Variants in ZBTB8B observed in about 807,000 individuals in gnomAD.
ZBTB8B encodes the protein zinc finger and BTB domain-containing protein 8B.
Under a neutral mutation model 30.3 loss-of-function variants are expected in ZBTB8B, and 17 were observed. The observed-to-expected ratio is 0.56, with a 90% CI of 0.38 to 0.84. The LOEUF is 0.84. ZBTB8B is among the 40% of genes least tolerant of loss of function. The pLI is 0.00. For missense variants in ZBTB8B, 515 were observed against 644.9 expected (o/e 0.80, Z 2.18); for synonymous variants, 248 against 255.6 (o/e 0.97, Z 0.28).
In ZBTB8B at chr1:32,496,553, G is replaced by C. The variant is rs568064150; in HGVS notation, c.*11135G>C. 2 of 152,170 alleles carry C rather than the reference G, an allele frequency of 1.3e-5. No individual in the cohort carries two copies. Among genetic ancestry groups the C allele is most frequent in the South Asian group, 2.1e-4 (1 of 4,818 alleles). The allele number at this position is 152,170 out of a possible 1,614,324, so 9.4% of individuals were successfully genotyped here. ...GTTTCTGCTTTTTGGAATTGAATTGGTTTTTAAGTGGTAATGTACCAGGTC... is the reference window on the plus strand; with the variant it reads ...GTTTCTGCTTTTTGGAATTGAATTGCTTTTTAAGTGGTAATGTACCAGGTC... On this transcript the variant is annotated 3_prime_UTR_variant, in exon 4 of 4. Transcript: ENST00000609129.
In ZBTB8B at chr1:32,490,940, CG is replaced by C. The variant is rs1643775947; in HGVS notation, c.*5524del. On this transcript the variant is annotated 3_prime_UTR_variant, in exon 4 of 4. Coordinates refer to ENST00000609129, the MANE Select transcript of ZBTB8B (RefSeq NM_001145720.2). ...ACAGTAACTCACATGACTGCATGAT[CG>C]GATGACATGGAAACTTCATAACTGA... The C allele has an allele frequency of 6.6e-6, 1 of 152,164 alleles. No homozygotes were observed. The highest frequency in any genetic ancestry group is 2.1e-4 in the South Asian group (1 of 4,822). 9.4% of individuals were successfully genotyped at this position (152,164 alleles called of 1,614,324 possible).
At chr1:32,466,139 G>A (rs1455343509) in intron 1 of ZBTB8B, among the ~76,000 whole-genome samples, 1 of 152,198 alleles carries the variant, frequency 6.6e-6, no homozygotes, top group Non-Finnish European at 1.5e-5. Flanking sequence ...TGAGGAGCAG[G>A]TTTTTGTTAT....
At chr1:32,470,496 A>C in intron 1 of ZBTB8B, 88 bp from the exon 2 acceptor site, 1 of 1,011,274 alleles carries the variant, frequency 9.9e-7, no homozygotes, top group South Asian at 1.8e-5. Context: ...CAAGACGCTG[A>C]CTCAAAAAAA....
rs917730455 is a variant in ZBTB8B, at chr1:32,487,046, G to A, written c.*1628G>A. 6.6e-6 allele frequency: 1 copy of A among 152,172 alleles called. No individual in the cohort carries two copies. Among genetic ancestry groups the A allele is most frequent in the African/African-American group, 2.4e-5 (1 of 41,446 alleles). 9.4% of individuals were successfully genotyped at this position (152,172 alleles called of 1,614,324 possible). ...GGCAATTTCCATAATTTTGTCTTAT[G>A]TTAAAATATCCAAAATGGATTTTAA... On this transcript the variant is annotated 3_prime_UTR_variant, in exon 4 of 4. Transcript: ENST00000609129.
chr1:32,473,512 CTTTTTTTT>C (rs11300546), intron 2 of ZBTB8B, among the ~76,000 whole-genome samples: 1 of 112,194 alleles, frequency 8.9e-6, no homozygotes, highest in Non-Finnish European at 1.9e-5. Context: ...TGTCTTGAGA[CTTTTTTTT>C]TTTTTTTTTT....
In ZBTB8B at chr1:32,470,618, C is replaced by A. The variant is rs901291950; in HGVS notation, c.-7C>A. On this transcript the variant is annotated 5_prime_UTR_variant, in exon 2 of 4. Transcript: ENST00000609129. ...TTTGCTCTGGAGCAGCAGCAGCTGG[C>A]GGAGCAATGGAGATGCAATCCTATT... 1.3e-6 allele frequency: 2 copies of A among 1,540,608 alleles called. No individual in the cohort carries two copies. Among genetic ancestry groups the A allele is most frequent in the Non-Finnish European group, 1.8e-6 (2 of 1,139,546 alleles).
rs1355287572 is a variant in ZBTB8B, at chr1:32,488,241, A to C, written c.*2823A>C. 2.0e-5 allele frequency: 3 copies of C among 152,228 alleles called. No individual in the cohort carries two copies. 9.4% of individuals were successfully genotyped at this position (152,228 alleles called of 1,614,324 possible). A position where few individuals can be genotyped will look rare whatever the true frequency, so the allele number is the denominator to read the frequency against. On this transcript the variant is annotated 3_prime_UTR_variant, in exon 4 of 4. Coordinates refer to ENST00000609129, the MANE Select transcript of ZBTB8B (RefSeq NM_001145720.2). Reference sequence around the variant, plus strand: ...AACAAGAGCGAAACTGTCTCCAAAAATGTATACATATATTTGCTGTTATTT... The same window carrying C: ...AACAAGAGCGAAACTGTCTCCAAAACTGTATACATATATTTGCTGTTATTT...
Position 32,470,980 on chromosome 1 carries a change from G to C in ZBTB8B, c.356G>C (p.Arg119Thr). 6.4e-7 allele frequency: 1 copy of C among 1,552,260 alleles called. No individual in the cohort carries two copies. The highest frequency in any genetic ancestry group is 8.7e-7 in the Non-Finnish European group (1 of 1,147,124). Residue 119 changes from arginine to threonine, a missense_variant, in exon 2 of 4, where the codon AGG (arginine) becomes ACG (threonine). Around this residue, in one of 3 missense-constraint regions of ZBTB8B, gnomAD observed 429 missense variants for 504.3 expected, o/e 0.85. Coordinates refer to ENST00000609129, the MANE Select transcript of ZBTB8B (RefSeq NM_001145720.2). ...DVVNFCKTYIRSSLDICRKME... is the reference protein window; with the variant it reads ...DVVNFCKTYITSSLDICRKME... ...GTGAACTTCTGCAAGACATACATTA[G>C]GTCATCCCTCGACATTTGCCGAAAG... is the stretch of plus-strand genomic sequence containing the variant.
At position 32,489,427 on chromosome 1, in the gene ZBTB8B, T is replaced by A. The variant is rs1643765734; in HGVS notation, c.*4009T>A. 6.6e-6 allele frequency: 1 copy of A among 152,240 alleles called. No homozygotes were observed. Among genetic ancestry groups the A allele is most frequent in the Admixed American group, 6.5e-5 (1 of 15,278 alleles). The allele number at this position is 152,240 out of a possible 1,614,324, so 9.4% of individuals were successfully genotyped here. A position where few individuals can be genotyped will look rare whatever the true frequency, so the allele number is the denominator to read the frequency against. On this transcript the variant is annotated 3_prime_UTR_variant, in exon 4 of 4. Coordinates refer to ENST00000609129, the MANE Select transcript of ZBTB8B (RefSeq NM_001145720.2). ...GGAGTTTGTGTATAGGCACTGGCAATAACTGGATCACTGAGTTCTATCACT... is the reference window on the plus strand; with the variant it reads ...GGAGTTTGTGTATAGGCACTGGCAAAAACTGGATCACTGAGTTCTATCACT...
chr1:32,490,978 T>C lies in ZBTB8B; in HGVS notation c.*5560T>C, dbSNP rs1159539801. The C allele has an allele frequency of 6.6e-6, 1 of 152,232 alleles. No individual in the cohort carries two copies. The highest frequency in any genetic ancestry group is 1.5e-5 in the Non-Finnish European group (1 of 68,038). 9.4% of individuals were successfully genotyped at this position (152,232 alleles called of 1,614,324 possible). ...AACTTCATAACTGAAGGAGAACATT[T>C]AGCATCCGTCTTGACCCTCCAGGTA... On this transcript the variant is annotated 3_prime_UTR_variant, in exon 4 of 4. Transcript: ENST00000609129.
Position 32,485,189 on chromosome 1 carries a change from T to G in ZBTB8B, c.1259T>G (p.Leu420Arg), listed in dbSNP as rs775728852. Residue 420 changes from leucine (L) to arginine (R), a missense_variant, in exon 4 of 4, where the codon CTG (leucine) becomes CGG (arginine). Leu to Arg is a moderately radical substitution (Grantham distance 102, BLOSUM62 -2). Around this residue, in one of 3 missense-constraint regions of ZBTB8B, gnomAD observed 429 missense variants for 504.3 expected, o/e 0.85. Coordinates refer to ENST00000609129, the MANE Select transcript of ZBTB8B (RefSeq NM_001145720.2). ...TCCCAGGGGCTGCGGCGCTTCGGGC[T>G]GTGTGACAGCTGCACCTGCGTTACA... ...HLSQGLRRFG[L>R]CDSCTCVTDT... 2 of 1,552,010 alleles carry G rather than the reference T, an allele frequency of 1.3e-6. No homozygotes were observed. Among genetic ancestry groups the G allele is most frequent in the Non-Finnish European group, 1.7e-6 (2 of 1,147,050 alleles).
intron 1 of ZBTB8B, among the ~76,000 whole-genome samples, chr1:32,466,033 CG>C (rs1177648474): frequency 2.0e-4 from 30 of 152,038 alleles, no homozygotes; most frequent in Non-Finnish European, 3.7e-4. Context: ...CGAGCAAGAC[CG>C]TGCCTTTTAA....
chr1:32,483,296 G>A (rs1479697859), intron 3 of ZBTB8B, among the ~76,000 whole-genome samples: 5 of 138,824 alleles, frequency 3.6e-5, no homozygotes, highest in African/African-American at 8.0e-5. Flanking sequence ...TTGGTGGCAC[G>A]CGCCTGTAGT....
chr1:32,470,484 A>G (rs1643607055), intron 1 of ZBTB8B, 100 bp from the exon 2 acceptor site: 2 of 1,192,914 alleles, frequency 1.7e-6, no homozygotes, highest in Non-Finnish European at 2.2e-6. Context: ...TGGGCAACAG[A>G]GCAAGACGCT....
At chr1:32,474,445 T>G (rs1290869449) in intron 2 of ZBTB8B, among the ~76,000 whole-genome samples, 1 of 115,548 alleles carries the variant, frequency 8.7e-6, no homozygotes, top group Non-Finnish European at 1.7e-5. Context: ...GAGGCTGAGG[T>G]GGGAGGATCA....
chr1:32,481,540 A>C (rs1181267965), intron 3 of ZBTB8B, among the ~76,000 whole-genome samples: 1 of 152,116 alleles, frequency 6.6e-6, no homozygotes, highest in African/African-American at 2.4e-5. Context: ...CTCCCCTCTA[A>C]CAAGCTGCCC....
At chr1:32,471,876 C>T (rs546587476) in intron 2 of ZBTB8B, among the ~76,000 whole-genome samples, 60 of 151,212 alleles carry the variant, frequency 4.0e-4, no homozygotes, top group Middle Eastern at 3.4e-3. Flanking sequence ...TCCAGTATCA[C>T]CATCATCAGT....
intron 2 of ZBTB8B, among the ~76,000 whole-genome samples, chr1:32,472,427 A>G (rs1405514411): frequency 6.6e-6 from 1 of 152,200 alleles, no homozygotes; most frequent in South Asian, 2.1e-4. Flanking sequence ...TTTTTCTCAC[A>G]TATCATCTTA....
chr1:32,473,415 C>T (rs1643638548), intron 2 of ZBTB8B, among the ~76,000 whole-genome samples: 1 of 151,714 alleles, frequency 6.6e-6, no homozygotes, highest in Admixed American at 6.6e-5. Flanking sequence ...TAGTGAAAGT[C>T]TTTTCCTTTT....
Sources: gnomAD v4.1 joint callset for allele counts (sites outside exome capture counted in the v4.1 genomes callset) on GRCh38, gnomAD v4.1.1 for gene constraint, gnomAD v4.1.1 regional missense constraint, MANE v1.5 for transcripts, NCBI Gene and HGNC (gene_info 2026-07-23, HGNC 2026-07-21) for gene names.